Variants in ARHGAP40 observed in about 807,000 individuals in gnomAD.
ARHGAP40 encodes the protein rho GTPase-activating protein 40.
A neutral mutation model predicts 73.5 loss-of-function variants in ARHGAP40; 43 were observed. The ratio of observed to expected loss-of-function variants is 0.58; its 90% confidence interval spans 0.46 to 0.75. The LOEUF is 0.75. Ranked by LOEUF, ARHGAP40 falls within the 30% of genes least tolerant of loss-of-function variation. The pLI is 0.00. For missense variants in ARHGAP40, 734 were observed against 861.8 expected, an observed-to-expected ratio of 0.85 and a Z score of 1.86; for synonymous variants, 300 against 352.8, an observed-to-expected ratio of 0.85 and a Z score of 1.68.
chr20:38,645,494 C>G (rs2089045829), intron 11 of ARHGAP40, among the ~76,000 whole-genome samples: 1 of 152,230 alleles, frequency 6.6e-6, no homozygotes, highest in African/African-American at 2.4e-5. Context: ...CTTTAGACAG[C>G]ACACACATAG....
chr20:38,635,568 T>G (rs2088969786), intron 6 of ARHGAP40, among the ~76,000 whole-genome samples: 1 of 152,018 alleles, frequency 6.6e-6, no homozygotes, highest in African/African-American at 2.4e-5. Flanking sequence ...GAGGCTGAAG[T>G]GGGAGGATCA....
exon 15 of ARHGAP40, chr20:38,649,932 G>A (rs2089078970): frequency 2.0e-6 from 2 of 1,014,216 alleles, no homozygotes; most frequent in South Asian, 2.8e-5. Context: ...TGAGAACAAA[G>A]CTATTCCAGG....
chr20:38,634,764 G>A, exon 6 of ARHGAP40: 1 of 1,293,966 alleles, frequency 7.7e-7, no homozygotes, highest in African/African-American at 1.5e-5. Context: ...GAGGAGCAAG[G>A]CGGGGAAGTG....
chr20:38,634,514 G>A lies in ARHGAP40; in HGVS notation c.784-106G>A, dbSNP rs180920641. 2.5e-3 allele frequency: 2,554 copies of A among 1,021,346 alleles called. 10 individuals are homozygous for A. The highest frequency in any genetic ancestry group is 2.9e-3 in the Non-Finnish European group (2,171 of 737,462). The allele number at this position is 1,021,346 out of a possible 1,614,324, so 63.3% of individuals were successfully genotyped here. A position where few individuals can be genotyped will look rare whatever the true frequency, so the allele number is the denominator to read the frequency against. ...CTCTTGAGTGCTTGCTCTTATCCAC[G>A]CTGCTCTTCCTTCTGCCTAAATGCC... On this transcript the variant is annotated intron_variant, in intron 5 of 14. Coordinates refer to ENST00000373345, the Ensembl canonical transcript of ARHGAP40.
intron 3 of ARHGAP40, among the ~76,000 whole-genome samples, chr20:38,627,846 C>G (rs1460342065): frequency 1.3e-5 from 2 of 152,172 alleles, no homozygotes; most frequent in African/African-American, 4.8e-5. Context: ...AGCCTGAAAG[C>G]CTAGGTTCTT....
intron 1 of ARHGAP40, among the ~76,000 whole-genome samples, chr20:38,607,280 C>T (rs1280036526): frequency 6.6e-6 from 1 of 152,168 alleles, no homozygotes; most frequent in Non-Finnish European, 1.5e-5. Flanking sequence ...TTCTCTGGGC[C>T]TGATCCTTCA....
At chr20:38,615,704 A>C (rs746825030) in intron 1 of ARHGAP40, among the ~76,000 whole-genome samples, 12 of 152,228 alleles carry the variant, frequency 7.9e-5, no homozygotes, top group Non-Finnish European at 1.5e-4. Context: ...TGGCGTGTGC[A>C]CCTGGCACCT....
exon 15 of ARHGAP40, chr20:38,650,579 C>A: frequency 2.1e-6 from 1 of 468,274 alleles, no homozygotes; most frequent in South Asian, 1.6e-5. Context: ...TTTGTACAAT[C>A]TTGTCATTTT....
chr20:38,604,024 T>C (rs919576897), intron 1 of ARHGAP40, among the ~76,000 whole-genome samples: 1 of 152,210 alleles, frequency 6.6e-6, no homozygotes, highest in East Asian at 1.9e-4. Flanking sequence ...CAGAGTCCCT[T>C]TGCCTGATAA....
At position 38,646,819 on chromosome 20, in the gene ARHGAP40, T is replaced by C. The variant is rs1363204635; in HGVS notation, c.1711-138T>C. 1.0e-5 allele frequency: 7 copies of C among 700,364 alleles called. No homozygotes were observed. The highest frequency in any genetic ancestry group is 3.2e-4 in the Middle Eastern group (1 of 3,154). 43.4% of individuals were successfully genotyped at this position (700,364 alleles called of 1,614,324 possible). ...CTGTGATCTGTGCCCAAGTGTCCGG[T>C]ATGCGTGTGTGTGTATCTTGTGATT... On this transcript the variant is annotated intron_variant, in intron 12 of 14. Coordinates refer to ENST00000373345, the Ensembl canonical transcript of ARHGAP40. The surrounding 1 kb of genome is among the most constrained non-coding windows in gnomAD (Gnocchi z 4.5).
intron 1 of ARHGAP40, among the ~76,000 whole-genome samples, chr20:38,609,786 G>A (rs766334911): frequency 2.0e-5 from 3 of 152,226 alleles, no homozygotes; most frequent in Non-Finnish European, 2.9e-5. Context: ...AGAGGTACAC[G>A]TAGCTCACAC....
intron 6 of ARHGAP40, among the ~76,000 whole-genome samples, chr20:38,637,347 C>A (rs1364201654): frequency 6.6e-6 from 1 of 152,046 alleles, no homozygotes; most frequent in African/African-American, 2.4e-5. Flanking sequence ...CAGGGTTTCG[C>A]CATGTTGGCC....
Position 38,646,290 on chromosome 20 carries a change from C to T in ARHGAP40, c.1710+103C>T. Reference sequence around the variant, plus strand: ...CTCCAGGTCCCCGCTACCGGGCTGCCAGCAACGGCCCAGTGAGGCCACCAG... The same window carrying T: ...CTCCAGGTCCCCGCTACCGGGCTGCTAGCAACGGCCCAGTGAGGCCACCAG... On this transcript the variant is annotated intron_variant, in intron 12 of 14. Coordinates refer to ENST00000373345, the Ensembl canonical transcript of ARHGAP40. This position sits in a 1 kb window ranked among gnomAD's most constrained non-coding sequence, Gnocchi z 4.5. The T allele has an allele frequency of 8.6e-7, 1 of 1,167,594 alleles. No individual in the cohort carries two copies. The highest frequency in any genetic ancestry group is 1.6e-5 in the African/African-American group (1 of 62,228). The allele number at this position is 1,167,594 out of a possible 1,614,324, so 72.3% of individuals were successfully genotyped here.
Position 38,643,643 on chromosome 20 carries a change from G to A in ARHGAP40, c.1363-61G>A. The A allele has an allele frequency of 4.0e-6, 5 of 1,255,546 alleles. No individual in the cohort carries two copies. In the South Asian group the frequency reaches 5.0e-5, roughly 13 times the overall value. The allele number at this position is 1,255,546 out of a possible 1,614,324, so 77.8% of individuals were successfully genotyped here. On this transcript the variant is annotated intron_variant, in intron 10 of 14. Transcript: ENST00000373345. Reference sequence around the variant, plus strand: ...TTATCATTCATCAGAATGCCCTGGGGATGGTGGGGAGGCGCCAGGGATGGG... The same window carrying A: ...TTATCATTCATCAGAATGCCCTGGGAATGGTGGGGAGGCGCCAGGGATGGG...
rs79749767 is a variant in ARHGAP40, at chr20:38,620,030, C to T, written c.138-3329C>T. 3.8e-4 allele frequency among the ~76,000 whole-genome samples: 58 copies of T among 152,252 alleles called. 1 individual carries two copies. In the East Asian group the frequency reaches 8.3e-3, roughly 22 times the overall value. On this transcript the variant is annotated intron_variant, in intron 1 of 14. Transcript: ENST00000373345. ...GAGGCAGCAGTGAGCTATGATCGCG[C>T]CATTGCCTTCGAGACAGAGCAAGAC...
Position 38,646,252 on chromosome 20 carries a change from G to T in ARHGAP40, c.1710+65G>T. The T allele has an allele frequency of 8.1e-7, 1 of 1,227,452 alleles. No individual in the cohort carries two copies. The highest frequency in any genetic ancestry group is 1.1e-6 in the Non-Finnish European group (1 of 946,166). 76.0% of individuals were successfully genotyped at this position (1,227,452 alleles called of 1,614,324 possible). ...GGCGACAGGAGGGCACCTGGGGCGC[G>T]GTGCTTCCCTTCCTCCAGGTCCCCG... is the stretch of plus-strand genomic sequence containing the variant. On this transcript the variant is annotated intron_variant, in intron 12 of 14. Coordinates refer to ENST00000373345, the Ensembl canonical transcript of ARHGAP40. The surrounding 1 kb of genome is among the most constrained non-coding windows in gnomAD (Gnocchi z 4.5).
chr20:38,623,636 T>C, intron 2 of ARHGAP40, 78 bp downstream of exon 2: 3 of 1,153,804 alleles, frequency 2.6e-6, no homozygotes, highest in Non-Finnish European at 3.4e-6. Flanking sequence ...AGGATCCAGA[T>C]ATGAACCAGA....
exon 2 of ARHGAP40, chr20:38,623,380 A>G (rs1422345691): frequency 7.7e-7 from 1 of 1,290,692 alleles, no homozygotes; most frequent in Non-Finnish European, 1.0e-6. Flanking sequence ...CCTCAGGCCG[A>G]ATGGATCAGC....
chr20:38,623,505 G>C (rs1475999106), exon 2 of ARHGAP40: 1 of 1,290,892 alleles, frequency 7.7e-7, no homozygotes, highest in East Asian at 5.5e-5. Flanking sequence ...ATCCAACAGA[G>C]AGATGAGCTG....
Sources: gnomAD v4.1 joint callset for allele counts (sites outside exome capture counted in the v4.1 genomes callset) on GRCh38, gnomAD v4.1.1 for gene constraint, Gnocchi (gnomAD v3.1) non-coding constraint, MANE v1.5 for transcripts, NCBI Gene and HGNC (gene_info 2026-07-23, HGNC 2026-07-21) for gene names.